CNTN5: variants seen among roughly 807,000 people sequenced by gnomAD.
The protein encoded by CNTN5 is contactin 5, also known as contactin-5.
In CNTN5, 77 loss-of-function variants were observed where a neutral mutation model predicts 129.1. That is an observed-to-expected ratio of 0.60 (90% CI 0.50 to 0.72). The LOEUF (loss-of-function observed/expected upper bound fraction) is 0.72, where lower values mean the gene tolerates loss of function less well. Ranked by LOEUF, CNTN5 falls within the 30% of genes least tolerant of loss-of-function variation. The pLI, the probability that CNTN5 is intolerant of heterozygous loss-of-function variation, is 0.00. For synonymous variants in CNTN5, 509 were observed against 465.6 expected (o/e 1.09, Z -1.20); for missense variants, 1,478 against 1,328.8 (o/e 1.11, Z -1.75).
chr11:99,148,115 G>A (rs954203014), intron 1 of CNTN5, among the ~76,000 whole-genome samples: 4 of 151,696 alleles, frequency 2.6e-5, no homozygotes, highest in Admixed American at 6.6e-5. Flanking sequence ...TCTTTTATGC[G>A]CCCTTTAAGG....
intron 6 of CNTN5, among the ~76,000 whole-genome samples, chr11:99,852,564 A>G (rs1947905952): frequency 6.6e-6 from 1 of 152,230 alleles, no homozygotes; most frequent in South Asian, 2.1e-4. Flanking sequence ...TTTCTTTTAC[A>G]TAAATCATAA....
intron 7 of CNTN5, among the ~76,000 whole-genome samples, chr11:99,955,954 C>A (rs1040883017): frequency 6.6e-6 from 1 of 152,060 alleles, no homozygotes; most frequent in Non-Finnish European, 1.5e-5. Flanking sequence ...GGAAAACAGA[C>A]CTGAAAATAT....
rs554932968 is a variant in CNTN5, at chr11:99,971,840, A to G, written c.877+14831A>G. Among the ~76,000 whole-genome samples, 7 of 151,704 alleles carry G rather than the reference A, an allele frequency of 4.6e-5. No homozygotes were observed. The South Asian group carries it at 1.2e-3, about 27-fold the overall frequency. On this transcript the variant is annotated intron_variant, in intron 8 of 24. Transcript: ENST00000524871. ...TTTAAATTATAATATTTAATTTTAA[A>G]AAAATTTATCAAAAGATTTTAAAAG... is the stretch of plus-strand genomic sequence containing the variant.
At chr11:99,103,447 C>T (rs1012438576) in intron 1 of CNTN5, among the ~76,000 whole-genome samples, 1 of 152,102 alleles carries the variant, frequency 6.6e-6, no homozygotes, top group Admixed American at 6.6e-5. Flanking sequence ...TTATTTTCAT[C>T]CTTTAAAATG....
At chr11:100,237,215 A>G (rs1949637992) in intron 16 of CNTN5, among the ~76,000 whole-genome samples, 1 of 151,172 alleles carries the variant, frequency 6.6e-6, no homozygotes, top group Admixed American at 6.6e-5. Context: ...AAAAGAAAAG[A>G]AAGAATTCAA....
At chr11:99,340,782 T>C (rs1866476694) in intron 2 of CNTN5, among the ~76,000 whole-genome samples, 2 of 152,212 alleles carry the variant, frequency 1.3e-5, no homozygotes, top group Admixed American at 6.5e-5. Context: ...TAAAATAATT[T>C]AATGAAAGTA....
intron 1 of CNTN5, among the ~76,000 whole-genome samples, chr11:99,313,108 A>C (rs908323139): frequency 2.7e-5 from 4 of 150,756 alleles, no homozygotes; most frequent in African/African-American, 9.7e-5. Flanking sequence ...CCAAGATTTG[A>C]AGTTTTTTTT....
intron 13 of CNTN5, among the ~76,000 whole-genome samples, chr11:100,155,512 T>C (rs1947209226): frequency 6.6e-6 from 1 of 152,142 alleles, no homozygotes; most frequent in Admixed American, 6.5e-5. Context: ...GGGCTCTTTT[T>C]TTGTTCATAT....
chr11:99,284,894 T>G (rs1863865083), intron 1 of CNTN5, among the ~76,000 whole-genome samples: 1 of 152,132 alleles, frequency 6.6e-6, no homozygotes, highest in Non-Finnish European at 1.5e-5. Flanking sequence ...TTCTTGGAAT[T>G]GAAGATGACC....
At chr11:99,359,891 A>C (rs1938983332) in intron 2 of CNTN5, among the ~76,000 whole-genome samples, 1 of 152,170 alleles carries the variant, frequency 6.6e-6, no homozygotes, top group Non-Finnish European at 1.5e-5. Flanking sequence ...ATATATGAAA[A>C]AAACTTAAAG....
chr11:100,168,645 T>C lies in CNTN5; in HGVS notation c.1581-22481T>C, dbSNP rs140491390. On this transcript the variant is annotated intron_variant, in intron 13 of 24. Transcript: ENST00000524871. ...GGTCATCTCAGAGCCCTGTTGGAAA[T>C]GGACAAAGAAATTAATGTGTTTTTC... Among the ~76,000 whole-genome samples the C allele has an allele frequency of 1.1e-3, 164 of 152,104 alleles. 2 individuals are homozygous for C. In the East Asian group the frequency reaches 0.02, roughly 19 times the overall value.
chr11:99,899,118 T>A (rs1164831614), intron 6 of CNTN5, among the ~76,000 whole-genome samples: 3 of 152,032 alleles, frequency 2.0e-5, no homozygotes, highest in Non-Finnish European at 4.4e-5. Context: ...GGTCTAGGAA[T>A]CTTCTAGAAG....
At chr11:99,357,331 C>A (rs929333804) in intron 2 of CNTN5, among the ~76,000 whole-genome samples, 7 of 152,096 alleles carry the variant, frequency 4.6e-5, no homozygotes, top group African/African-American at 1.7e-4. Context: ...TTATTAGCAA[C>A]TGAAATAGCA....
intron 6 of CNTN5, among the ~76,000 whole-genome samples, chr11:99,887,729 G>A (rs111336211): frequency 2.6e-5 from 4 of 152,354 alleles, no homozygotes; most frequent in African/African-American, 9.6e-5. Context: ...TGAAGAACTT[G>A]GAGTCTGATG....
chr11:99,620,086 ATAAT>A (rs1160057413), intron 3 of CNTN5, among the ~76,000 whole-genome samples: 8 of 151,758 alleles, frequency 5.3e-5, no homozygotes, highest in Admixed American at 2.6e-4. Flanking sequence ...ATGTTAATCT[ATAAT>A]TACTTTTCAT....
At chr11:100,068,078 G>A (rs770950935) in intron 10 of CNTN5, among the ~76,000 whole-genome samples, 32 of 151,924 alleles carry the variant, frequency 2.1e-4, no homozygotes, top group South Asian at 1.7e-3. Context: ...TATTTTAAAG[G>A]CTACAGTCAT....
At chr11:99,577,909 T>C (rs1326227057) in intron 3 of CNTN5, among the ~76,000 whole-genome samples, 1 of 151,760 alleles carries the variant, frequency 6.6e-6, no homozygotes, top group Admixed American at 6.6e-5. Flanking sequence ...ACATGTGCCA[T>C]GTTGGTGTGC....
At chr11:100,261,492 C>A (rs546524671) in intron 17 of CNTN5, among the ~76,000 whole-genome samples, 24 of 152,244 alleles carry the variant, frequency 1.6e-4, no homozygotes, top group African/African-American at 5.8e-4. Flanking sequence ...ATAGCCAAGA[C>A]AATCCTAAGC....
intron 3 of CNTN5, among the ~76,000 whole-genome samples, chr11:99,800,864 T>A (rs1430630392): frequency 4.6e-5 from 7 of 152,172 alleles, no homozygotes; most frequent in Non-Finnish European, 1.0e-4. Flanking sequence ...GTTGTCTTTT[T>A]TTATTTTATT....
Sources: gnomAD v4.1 joint callset for allele counts (sites outside exome capture counted in the v4.1 genomes callset) on GRCh38, gnomAD v4.1.1 for gene constraint, MANE v1.5 for transcripts, NCBI Gene and HGNC (gene_info 2026-07-23, HGNC 2026-07-21) for gene names.